The following PTPRT variants were observed in gnomAD, a reference collection of about 807,000 sequenced individuals.
PTPRT encodes the protein receptor-type tyrosine-protein phosphatase T.
A neutral mutation model predicts 176.8 loss-of-function variants in PTPRT; 56 were observed. The ratio of observed to expected loss-of-function variants is 0.32; its 90% CI spans 0.26 to 0.40. The LOEUF is 0.40. Ranked by LOEUF, PTPRT falls within the 10% of genes least tolerant of loss-of-function variation. The pLI, the probability that PTPRT is intolerant of heterozygous loss-of-function variation, is 1.00. For synonymous variants in PTPRT, 783 were observed against 739.0 expected, an observed-to-expected ratio of 1.06 and a Z score of -0.96; for missense variants, 1,540 against 1,908.2, an observed-to-expected ratio of 0.81 and a Z score of 3.60.
At position 42,977,324 on chromosome 20, in the gene PTPRT, AG is replaced by A. The variant is rs373771857; in HGVS notation, c.89-91393del. Among the ~76,000 whole-genome samples, 47 of 152,370 alleles carry A rather than the reference AG, an allele frequency of 3.1e-4. 1 individual carries two copies. In the East Asian group the frequency reaches 8.1e-3, roughly 26 times the overall value. ...GAGTCAAGATTCAAAAACGTCAACA[AG>A]GGCACCCAGCTAGTAAATGCAAAGC... On this transcript the variant is annotated intron_variant, in intron 1 of 30. Transcript: ENST00000373187.
chr20:42,933,479 G>A (rs889097803), intron 1 of PTPRT, among the ~76,000 whole-genome samples: 5 of 152,104 alleles, frequency 3.3e-5, no homozygotes, highest in Non-Finnish European at 5.9e-5. Context: ...TTCCAGTCCC[G>A]AGCATGGTGC....
intron 15 of PTPRT, among the ~76,000 whole-genome samples, chr20:42,219,505 C>T (rs2055837141): frequency 6.6e-6 from 1 of 152,164 alleles, no homozygotes; most frequent in African/African-American, 2.4e-5. Flanking sequence ...CAACCTGACC[C>T]AGTGTTAGAT....
At chr20:42,975,209 A>G (rs145476207) in intron 1 of PTPRT, among the ~76,000 whole-genome samples, 79 of 152,360 alleles carry the variant, frequency 5.2e-4, no homozygotes, top group African/African-American at 1.8e-3. Flanking sequence ...TATCCACTCA[A>G]TGGAATATCA....
intron 1 of PTPRT, among the ~76,000 whole-genome samples, chr20:43,097,465 AG>A (rs1220508208): frequency 1.3e-5 from 2 of 152,234 alleles, no homozygotes; most frequent in Non-Finnish European, 2.9e-5. Flanking sequence ...AGCTAACACA[AG>A]GCACTCATTC....
intron 5 of PTPRT, among the ~76,000 whole-genome samples, chr20:42,766,192 T>G (rs2076980335): frequency 1.3e-5 from 2 of 152,226 alleles, no homozygotes; most frequent in Non-Finnish European, 1.5e-5. Context: ...CCCCTTGGAA[T>G]GCACACCATC....
the PTPRT span, among the ~76,000 whole-genome samples, chr20:42,059,074 T>C: frequency 2.8e-4 from 43 of 152,308 alleles, 1 homozygote; most frequent in African/African-American, 9.4e-4. Context: ...GTGCTTTTGC[T>C]GCAGAGTGAG....
intron 5 of PTPRT, among the ~76,000 whole-genome samples, chr20:42,769,516 G>C (rs1009576855): frequency 2.6e-5 from 4 of 152,182 alleles, no homozygotes; most frequent in Non-Finnish European, 4.4e-5. Flanking sequence ...TTCATAGACT[G>C]CTGGTAGGAA....
intron 7 of PTPRT, among the ~76,000 whole-genome samples, chr20:42,562,749 G>C (rs1186920821): frequency 6.6e-6 from 1 of 152,096 alleles, no homozygotes; most frequent in African/African-American, 2.4e-5. Flanking sequence ...TCATCACTCA[G>C]CCCTGACAAT....
chr20:42,616,719 T>C (rs1830029964), intron 7 of PTPRT, among the ~76,000 whole-genome samples: 1 of 115,938 alleles, frequency 8.6e-6, no homozygotes, highest in South Asian at 2.8e-4. Context: ...GGGAGTTCAC[T>C]CATGATTTGG....
At chr20:42,449,343 C>T (rs13041904) in intron 8 of PTPRT, among the ~76,000 whole-genome samples, 2,220 of 152,266 alleles carry the variant, frequency 0.015, 30 homozygotes, top group Non-Finnish European at 0.021. Flanking sequence ...GTCAGTCTTC[C>T]TGCCAGCATC....
At chr20:42,147,945 G>C (rs1268992458) in intron 17 of PTPRT, among the ~76,000 whole-genome samples, 2 of 151,836 alleles carry the variant, frequency 1.3e-5, no homozygotes, top group Non-Finnish European at 2.9e-5. Flanking sequence ...ATAATCTCTT[G>C]AAGCAAAAAA....
At chr20:42,223,141 G>A (rs1047421497) in intron 15 of PTPRT, among the ~76,000 whole-genome samples, 1 of 152,172 alleles carries the variant, frequency 6.6e-6, no homozygotes, top group East Asian at 1.9e-4. Flanking sequence ...CAACACTTAC[G>A]TGAAAGTACT....
intron 1 of PTPRT, among the ~76,000 whole-genome samples, chr20:43,112,830 A>T (rs1440963484): frequency 6.6e-6 from 1 of 152,210 alleles, no homozygotes; most frequent in Non-Finnish European, 1.5e-5. Context: ...TTTTGCATGT[A>T]ACTCATTCGT....
In PTPRT at chr20:42,104,644, C is replaced by T. The variant is rs1986257382; in HGVS notation, c.3465G>A (p.Glu1155=). ...TGATATTGTAGTAGAGAGAACGGAA[C>T]TCACACACAGGGATGGCAGTGTTGC... is the stretch of plus-strand genomic sequence containing the variant. The part of the protein sequence containing the change: ...LCGNTAIPVC[E]FRSLYYNISR... Residue 1155 remains glutamate, a synonymous_variant, in exon 25 of 31, where the codon GAG becomes GAA. Transcript: ENST00000373187. 1.2e-6 allele frequency: 2 copies of T among 1,603,120 alleles called. No homozygotes were observed. Among genetic ancestry groups the T allele is most frequent in the South Asian group, 2.2e-5 (2 of 90,860 alleles).
intron 1 of PTPRT, among the ~76,000 whole-genome samples, chr20:43,097,010 G>A (rs2012198298): frequency 6.6e-6 from 1 of 152,212 alleles, no homozygotes; most frequent in Admixed American, 6.5e-5. Flanking sequence ...GAAGGCCTCA[G>A]CGACCATAAA....
chr20:42,734,369 G>C (rs991842166), intron 6 of PTPRT, among the ~76,000 whole-genome samples: 1 of 152,144 alleles, frequency 6.6e-6, no homozygotes, highest in Non-Finnish European at 1.5e-5. Flanking sequence ...GAACCCAAGA[G>C]AGAGTCCCTC....
At chr20:42,292,251 C>T (rs771707574) in intron 12 of PTPRT, among the ~76,000 whole-genome samples, 1 of 152,098 alleles carries the variant, frequency 6.6e-6, no homozygotes, top group Non-Finnish European at 1.5e-5. Context: ...ATTGTTTAGC[C>T]CCAATGGGAC....
chr20:42,162,728 C>T (rs1466543904), intron 16 of PTPRT, among the ~76,000 whole-genome samples: 1 of 152,260 alleles, frequency 6.6e-6, no homozygotes, highest in Non-Finnish European at 1.5e-5. Context: ...ATGCCATACT[C>T]ATTCCCTGGG....
chr20:42,664,285 T>C (rs1176080704), intron 7 of PTPRT, among the ~76,000 whole-genome samples: 2 of 152,228 alleles, frequency 1.3e-5, no homozygotes, highest in Non-Finnish European at 2.9e-5. Flanking sequence ...TTTATCTCCC[T>C]TTTCTCAGTT....
Sources: gnomAD v4.1 joint callset for allele counts (sites outside exome capture counted in the v4.1 genomes callset) on GRCh38, gnomAD v4.1.1 for gene constraint, MANE v1.5 for transcripts, NCBI Gene and HGNC (gene_info 2026-07-23, HGNC 2026-07-21) for gene names.